Variants in WWOX observed in about 807,000 individuals in gnomAD.
The protein encoded by WWOX is WW domain-containing oxidoreductase.
In WWOX, 69 loss-of-function variants were observed where a neutral mutation model predicts 46.2. The ratio of observed to expected loss-of-function variants is 1.49; its 90% CI spans 1.23 to 1.82. The LOEUF is 1.82. Ranked by LOEUF, WWOX falls within the 40% of genes most tolerant of loss-of-function variation. The pLI is 0.00. For missense variants in WWOX, 919 were observed against 542.6 expected, an observed-to-expected ratio of 1.69 and a Z score of -6.89; for synonymous variants, 359 against 202.6, an observed-to-expected ratio of 1.77 and a Z score of -6.56.
At chr16:78,295,845 T>G (rs1446874414) in intron 5 of WWOX, among the ~76,000 whole-genome samples, 1 of 152,234 alleles carries the variant, frequency 6.6e-6, no homozygotes, top group Non-Finnish European at 1.5e-5. Flanking sequence ...TTTTCGAACT[T>G]CTGGAGTGCA....
intron 5 of WWOX, among the ~76,000 whole-genome samples, chr16:78,252,580 G>A (rs1034573451): frequency 2.0e-5 from 3 of 152,160 alleles, no homozygotes; most frequent in African/African-American, 7.2e-5. Flanking sequence ...TTTAGCATTT[G>A]TGTTGACAAT....
chr16:79,003,531 T>A (rs1260433079), intron 8 of WWOX, among the ~76,000 whole-genome samples: 4 of 152,210 alleles, frequency 2.6e-5, no homozygotes, highest in African/African-American at 9.6e-5. Context: ...TTTGGCTGGT[T>A]GAGTCTCCTC....
In WWOX at chr16:78,422,810, C is replaced by T. The variant is rs201244626; in HGVS notation, c.606-2060C>T. Among the ~76,000 whole-genome samples the T allele has an allele frequency of 2.0e-4, 24 of 119,942 alleles. 1 individual carries two copies. In the East Asian group the frequency reaches 2.5e-3, roughly 13 times the overall value. The allele number at this position is 119,942 out of a possible 152,430, so 78.7% of individuals were successfully genotyped here. ...ACACACACACATATATATACACACACATATATATACACACACATATATATA... is the reference window on the plus strand; with the variant it reads ...ACACACACACATATATATACACACATATATATATACACACACATATATATA... On this transcript the variant is annotated intron_variant, in intron 6 of 8. Transcript: ENST00000566780.
chr16:78,578,050 A>G (rs541261851), intron 8 of WWOX, among the ~76,000 whole-genome samples: 3 of 151,830 alleles, frequency 2.0e-5, no homozygotes, highest in South Asian at 2.1e-4. Context: ...TAAACTTTAT[A>G]AAATATTTGG....
chr16:78,351,432 C>G (rs534524165), intron 5 of WWOX, among the ~76,000 whole-genome samples: 3 of 152,292 alleles, frequency 2.0e-5, no homozygotes, highest in African/African-American at 7.2e-5. Flanking sequence ...TGAAACCTTG[C>G]CTGGCCCCCA....
At chr16:78,180,266 T>C (rs958065132) in intron 5 of WWOX, among the ~76,000 whole-genome samples, 1 of 152,170 alleles carries the variant, frequency 6.6e-6, no homozygotes, top group African/African-American at 2.4e-5. Flanking sequence ...AGTGGACTCA[T>C]AATCCAGCTT....
chr16:78,451,380 C>T (rs2083687739), intron 8 of WWOX, among the ~76,000 whole-genome samples: 1 of 152,068 alleles, frequency 6.6e-6, no homozygotes, highest in African/African-American at 2.4e-5. Flanking sequence ...ATTTATTTTC[C>T]ACAGTCCACT....
chr16:78,164,275 A>T lies in WWOX; in HGVS notation c.502A>T (p.Ile168Phe), dbSNP rs1244151968. The T allele has an allele frequency of 1.2e-6, 2 of 1,613,894 alleles. No homozygotes were observed. The highest frequency in any genetic ancestry group is 1.7e-6 in the Non-Finnish European group (2 of 1,179,966). ...MARASEAVSRILEEWHKAKVE... is the reference protein window; with the variant it reads ...MARASEAVSRFLEEWHKAKVE... ...AAGGGCGAGTGAAGCAGTGTCACGC[A>T]TTTTAGAAGAATGGGTAAGTGCTTG... Residue 168 changes from isoleucine (I) to phenylalanine (F), a missense_variant, in exon 5 of 9, where the codon ATT becomes TTT. Coordinates refer to ENST00000566780, the MANE Select transcript of WWOX (RefSeq NM_016373.4).
intron 8 of WWOX, among the ~76,000 whole-genome samples, chr16:78,448,345 A>G (rs956025182): frequency 5.9e-5 from 9 of 152,158 alleles, no homozygotes; most frequent in Non-Finnish European, 7.4e-5. Context: ...AGTTACCTCA[A>G]TATTTAGCAG....
At chr16:78,124,449 A>G (rs1327217025) in intron 4 of WWOX, 2 of 152,192 alleles carry the variant, frequency 1.3e-5, no homozygotes, top group Non-Finnish European at 1.5e-5. Flanking sequence ...TTTGTAGCCT[A>G]TACATGAGTA....
chr16:79,201,311 T>A (rs1465884507), intron 8 of WWOX, among the ~76,000 whole-genome samples: 1 of 151,814 alleles, frequency 6.6e-6, no homozygotes, highest in Admixed American at 6.6e-5. Flanking sequence ...CTCCCTTCCC[T>A]AGCTGAATAG....
In WWOX at chr16:78,702,422, G is replaced by A. The variant is rs557572464; in HGVS notation, c.1056+269670G>A. Among the ~76,000 whole-genome samples, 18 of 152,094 alleles carry A rather than the reference G, an allele frequency of 1.2e-4. No homozygotes were observed. In the South Asian group the frequency reaches 3.5e-3, roughly 30 times the overall value. ...TCCCAGTACTTTGTGAGGCTGAGGT[G>A]GGCAGATCCCATGAGGTCAGGAGTT... On this transcript the variant is annotated intron_variant, in intron 8 of 8. Transcript: ENST00000566780.
At chr16:79,172,162 C>G (rs1208652614) in intron 8 of WWOX, among the ~76,000 whole-genome samples, 1 of 152,152 alleles carries the variant, frequency 6.6e-6, no homozygotes, top group Non-Finnish European at 1.5e-5. Flanking sequence ...TTGTACGCCC[C>G]ATGAACTTCT....
chr16:78,873,004 C>T (rs1026832268), intron 8 of WWOX: 1 of 152,260 alleles, frequency 6.6e-6, no homozygotes, highest in African/African-American at 2.4e-5. Context: ...GCTATGCTGC[C>T]CAGGCTGGTC....
chr16:78,630,844 G>C (rs1001256868), intron 8 of WWOX, among the ~76,000 whole-genome samples: 10 of 150,886 alleles, frequency 6.6e-5, no homozygotes, highest in Non-Finnish European at 1.3e-4. Context: ...ACAAATACTG[G>C]GTGAATGAAC....
At chr16:78,657,808 G>A (rs1042101380) in intron 8 of WWOX, among the ~76,000 whole-genome samples, 40 of 152,058 alleles carry the variant, frequency 2.6e-4, no homozygotes, top group African/African-American at 9.7e-4. Flanking sequence ...ATTAAAACAG[G>A]TTTTGTTTTT....
chr16:78,334,901 A>AT (rs2080849796), intron 5 of WWOX, among the ~76,000 whole-genome samples: 1 of 143,644 alleles, frequency 7.0e-6, no homozygotes, highest in African/African-American at 2.8e-5. Flanking sequence ...AATTAAACTC[A>AT]TTGAGGAGAT....
intron 8 of WWOX, among the ~76,000 whole-genome samples, chr16:79,165,090 T>G (rs2050565148): frequency 6.6e-6 from 1 of 151,236 alleles, no homozygotes; most frequent in South Asian, 2.1e-4. Flanking sequence ...CTACGTTCCA[T>G]GTAAGATCTC....
chr16:78,961,221 A>G (rs1444695786), intron 8 of WWOX, among the ~76,000 whole-genome samples: 1 of 152,232 alleles, frequency 6.6e-6, no homozygotes, highest in Non-Finnish European at 1.5e-5. Flanking sequence ...AGGTCTATGC[A>G]GATTAACGAG....
Sources: gnomAD v4.1 joint callset for allele counts (sites outside exome capture counted in the v4.1 genomes callset) on GRCh38, gnomAD v4.1.1 for gene constraint, MANE v1.5 for transcripts, NCBI Gene and HGNC (gene_info 2026-07-23, HGNC 2026-07-21) for gene names.